AGK: variants seen among roughly 807,000 people sequenced by gnomAD.
AGK encodes acylglycerol kinase, mitochondrial.
A neutral mutation model predicts 66.4 loss-of-function variants in AGK; 52 were observed. The ratio of observed to expected loss-of-function variants is 0.78; its 90% CI spans 0.63 to 0.99. The LOEUF is 0.99. Among genes scored for constraint, AGK ranks in the 50% least tolerant of loss-of-function variants. The pLI is 0.00. For synonymous variants in AGK, 182 were observed against 181.1 expected (o/e 1.00, Z -0.04); for missense variants, 451 against 506.6 (o/e 0.89, Z 1.05).
chr7:141,591,136 A>G (rs1481782836), intron 2 of AGK, among the ~76,000 whole-genome samples: 1 of 117,268 alleles, frequency 8.5e-6, no homozygotes, highest in Non-Finnish European at 1.6e-5. Flanking sequence ...CTGTAGCCCC[A>G]GGCTGGAGCG....
intron 5 of AGK, among the ~76,000 whole-genome samples, chr7:141,607,234 G>A (rs1349012757): frequency 2.0e-5 from 3 of 152,160 alleles, no homozygotes; most frequent in East Asian, 1.9e-4. Context: ...GGAAACTGCC[G>A]TTCAAAGTGG....
chr7:141,573,687 A>G (rs1795665389), intron 2 of AGK, among the ~76,000 whole-genome samples: 1 of 152,224 alleles, frequency 6.6e-6, no homozygotes, highest in African/African-American at 2.4e-5. Flanking sequence ...TGGAACCCAA[A>G]GTAAATATCA....
In AGK at chr7:141,567,619, T is replaced by C. The variant is rs530264891; in HGVS notation, c.101+12052T>C. ...GCAATTGCAGAGGAGAAAATGACCC[T>C]GTTTGCTGAAAGTAAAGACAGTTTA... On this transcript the variant is annotated intron_variant, in intron 2 of 15. Transcript: ENST00000649286. Among the ~76,000 whole-genome samples, 18 of 152,336 alleles carry C rather than the reference T, an allele frequency of 1.2e-4. No homozygotes were observed. In the East Asian group the frequency reaches 2.7e-3, roughly 23 times the overall value.
chr7:141,651,904 T>C (rs1198435212), intron 15 of AGK, among the ~76,000 whole-genome samples: 3 of 152,216 alleles, frequency 2.0e-5, no homozygotes, highest in Non-Finnish European at 2.9e-5. Flanking sequence ...ATGTAAATAA[T>C]GCAGAAGGTT....
chr7:141,612,109 G>A (rs1457666811), intron 6 of AGK, among the ~76,000 whole-genome samples: 1 of 152,164 alleles, frequency 6.6e-6, no homozygotes, highest in Non-Finnish European at 1.5e-5. Flanking sequence ...TAAGTAAAGT[G>A]AGATATATTC....
Position 141,621,158 on chromosome 7 carries a change from CT to C in AGK, c.519-567del, listed in dbSNP as rs570755216. ...CAATAGTACATGCCTTTTGATGATA[CT>C]TTTTTTAACCTATAGACTTTCCAAA... On this transcript the variant is annotated intron_variant, in intron 8 of 15. Transcript: ENST00000649286. Among the ~76,000 whole-genome samples, 206 of 152,254 alleles carry C rather than the reference CT, an allele frequency of 1.4e-3. 2 individuals are homozygous for C. The highest frequency in any genetic ancestry group is 4.8e-3 in the African/African-American group (198 of 41,550).
intron 1 of AGK, among the ~76,000 whole-genome samples, chr7:141,554,554 T>G (rs1182661245): frequency 1.3e-5 from 2 of 152,180 alleles, no homozygotes; most frequent in Non-Finnish European, 2.9e-5. Context: ...ATTGAACAAA[T>G]ATTTCTTAAA....
Position 141,654,057 on chromosome 7 carries a change from A to ATAATG in AGK, c.*1138_*1142dup. ...CCACTTTTCAGCCAAGAATCCTATC[A>ATAATG]TAATGTAATCTATTATGCCCGACAT... On this transcript the variant is annotated 3_prime_UTR_variant, in exon 16 of 16. Transcript: ENST00000649286. 1 of 152,276 alleles carries ATAATG rather than the reference A, an allele frequency of 6.6e-6. No homozygotes were observed. The highest frequency in any genetic ancestry group is 1.5e-5 in the Non-Finnish European group (1 of 68,024). The allele number at this position is 152,276 out of a possible 1,614,324, so 9.4% of individuals were successfully genotyped here.
rs1796681280 is a variant in AGK at position 141,615,368 on chromosome 7, A to T, written c.424-103A>T. The stretch of plus-strand genomic sequence containing the variant: ...ATGTGGAAAGGAGATGGGGAGGCAG[A>T]TACAGGGTCAGTTATTTGTCATAGT... On this transcript the variant is annotated intron_variant, in intron 7 of 15. Coordinates refer to ENST00000649286, the MANE Select transcript of AGK (RefSeq NM_018238.4). 1.3e-5 allele frequency: 11 copies of T among 838,854 alleles called. No homozygotes were observed. The East Asian group carries it at 2.8e-4, about 21-fold the overall frequency. The allele number at this position is 838,854 out of a possible 1,614,324, so 52.0% of individuals were successfully genotyped here.
At position 141,653,279 on chromosome 7, in the gene AGK, T is replaced by C; in HGVS notation, c.*355T>C. On this transcript the variant is annotated 3_prime_UTR_variant, in exon 16 of 16. Coordinates refer to ENST00000649286, the MANE Select transcript of AGK (RefSeq NM_018238.4). ...GCCTGCCTAGGCCCTTCCATTTCTC[T>C]TCTTTGACCGTGCTAGGAATTCCAG... 1 of 195,938 alleles carries C rather than the reference T, an allele frequency of 5.1e-6. No homozygotes were observed. Among genetic ancestry groups the C allele is most frequent in the Non-Finnish European group, 1.1e-5 (1 of 93,276 alleles). The allele number at this position is 195,938 out of a possible 1,614,324, so 12.1% of individuals were successfully genotyped here.
chr7:141,645,751 A>G (rs929171289), intron 13 of AGK, among the ~76,000 whole-genome samples: 1 of 152,142 alleles, frequency 6.6e-6, no homozygotes, highest in Admixed American at 6.5e-5. Flanking sequence ...CATGTTAAAT[A>G]TCTTAGATAT....
chr7:141,647,918 G>GC (rs1198445079), intron 13 of AGK, among the ~76,000 whole-genome samples: 3 of 152,150 alleles, frequency 2.0e-5, no homozygotes, highest in African/African-American at 7.2e-5. Flanking sequence ...TGATCCGCCC[G>GC]CCTCGGCCTC....
chr7:141,640,130 G>T lies in AGK; in HGVS notation c.727-1118G>T, dbSNP rs558602769. ...AACCAAGGTATGAAAACAAATGCAGGAACTAGGCAGATGAAGATCAAAACG... is the reference window on the plus strand; with the variant it reads ...AACCAAGGTATGAAAACAAATGCAGTAACTAGGCAGATGAAGATCAAAACG... On this transcript the variant is annotated intron_variant, in intron 11 of 15. Transcript: ENST00000649286. Among the ~76,000 whole-genome samples, 9 of 152,212 alleles carry T rather than the reference G, an allele frequency of 5.9e-5. No homozygotes were observed. In the South Asian group the frequency reaches 1.9e-3, roughly 32 times the overall value.
chr7:141,573,010 C>T (rs1795640215), intron 2 of AGK, among the ~76,000 whole-genome samples: 1 of 152,226 alleles, frequency 6.6e-6, no homozygotes, highest in South Asian at 2.1e-4. Flanking sequence ...TGGTCTGGGG[C>T]CTGGCGGCTT....
At position 141,654,913 on chromosome 7, in the gene AGK, A is replaced by G. The variant is rs1797658159; in HGVS notation, c.*1989A>G. ...ATACTGTATTCTTCAGGGTGGTAAA[A>G]TTTCTGCTTTTGGCAAAAACATAAC... On this transcript the variant is annotated 3_prime_UTR_variant, in exon 16 of 16. Transcript: ENST00000649286. 1 of 152,222 alleles carries G rather than the reference A, an allele frequency of 6.6e-6. No individual in the cohort carries two copies. Among genetic ancestry groups the G allele is most frequent in the Non-Finnish European group, 1.5e-5 (1 of 68,038 alleles). 9.4% of individuals were successfully genotyped at this position (152,222 alleles called of 1,614,324 possible). A position where few individuals can be genotyped will look rare whatever the true frequency, so the allele number is the denominator to read the frequency against.
At chr7:141,580,895 A>C (rs1168600201) in intron 2 of AGK, among the ~76,000 whole-genome samples, 2 of 151,996 alleles carry the variant, frequency 1.3e-5, no homozygotes, top group African/African-American at 4.8e-5. Context: ...AGCTGTCTTC[A>C]AGGAATGGAA....
At chr7:141,622,591 A>G (rs1796850700) in intron 9 of AGK, among the ~76,000 whole-genome samples, 1 of 152,332 alleles carries the variant, frequency 6.6e-6, no homozygotes, top group African/African-American at 2.4e-5. Flanking sequence ...CCCACATATA[A>G]TGGCAAACTT....
intron 1 of AGK, among the ~76,000 whole-genome samples, chr7:141,551,789 T>C (rs1249945319): frequency 6.6e-6 from 1 of 152,124 alleles, no homozygotes; most frequent in Non-Finnish European, 1.5e-5. Flanking sequence ...ATGGGGCCAA[T>C]AGTATCAGAT....
chr7:141,641,663 A>G (rs966998110), intron 12 of AGK, 148 bp from the exon 13 acceptor site: 1 of 724,018 alleles, frequency 1.4e-6, no homozygotes, highest in East Asian at 2.7e-5. Context: ...TTTTACCTCT[A>G]TGTATAAGAA....
Sources: allele counts gnomAD v4.1 joint callset (sites outside exome capture counted in the v4.1 genomes callset), GRCh38; gene constraint gnomAD v4.1.1; transcripts MANE v1.5; gene names NCBI Gene and HGNC (gene_info 2026-07-23, HGNC 2026-07-21).